The following GPC5 variants were observed in gnomAD, a reference collection of about 807,000 sequenced individuals.
GPC5 encodes the protein glypican 5.
A neutral mutation model predicts 53.9 loss-of-function variants in GPC5; 47 were observed. The observed-to-expected ratio is 0.87, with a 90% CI of 0.69 to 1.11. The LOEUF (loss-of-function observed/expected upper bound fraction) is 1.11, where lower values mean the gene tolerates loss of function less well. Ranked by LOEUF, GPC5 falls within the 50% of genes most tolerant of loss-of-function variation. GPC5 has a pLI of 0.00. For missense variants in GPC5, 748 were observed against 713.1 expected (o/e 1.05, Z -0.56); for synonymous variants, 286 against 263.3 (o/e 1.09, Z -0.84).
At chr13:92,477,501 T>C (rs1304889073) in intron 7 of GPC5, among the ~76,000 whole-genome samples, 1 of 152,174 alleles carries the variant, frequency 6.6e-6, no homozygotes, top group Non-Finnish European at 1.5e-5. Flanking sequence ...TATGCTTTCT[T>C]CTTCCCTCTC....
At chr13:91,762,908 C>T (rs182027722) in intron 5 of GPC5, among the ~76,000 whole-genome samples, 1 of 152,078 alleles carries the variant, frequency 6.6e-6, no homozygotes, top group Non-Finnish European at 1.5e-5. Context: ...TTCATTTTAA[C>T]CCCTAAATGC....
rs1034178089 is a variant in GPC5 at position 92,320,487 on chromosome 13, T to G, written c.1561+175498T>G. Among the ~76,000 whole-genome samples the G allele has an allele frequency of 3.3e-5, 5 of 152,198 alleles. No individual in the cohort carries two copies. In the South Asian group the frequency reaches 6.2e-4, roughly 19 times the overall value. ...CCTTTCAATCAATGTTATGTCATTT[T>G]GCTTGTAATTTTTGGCTTTGCTTTG... On this transcript the variant is annotated intron_variant, in intron 7 of 7. Coordinates refer to ENST00000377067, the MANE Select transcript of GPC5 (RefSeq NM_004466.6).
chr13:92,283,497 G>A (rs550889347), intron 7 of GPC5, among the ~76,000 whole-genome samples: 16 of 152,270 alleles, frequency 1.1e-4, no homozygotes, highest in South Asian at 4.2e-4. Flanking sequence ...TGGAAGTAAA[G>A]CACTCCTCAG....
chr13:91,797,961 T>C (rs2989993), intron 5 of GPC5, among the ~76,000 whole-genome samples: 54,402 of 151,724 alleles, frequency 0.36, 11,017 homozygotes, highest in African/African-American at 0.56. Context: ...TGCACATTGT[T>C]GGGCGCAGAG....
At chr13:91,985,060 T>G (rs1385956514) in intron 6 of GPC5, among the ~76,000 whole-genome samples, 1 of 152,222 alleles carries the variant, frequency 6.6e-6, no homozygotes, top group Non-Finnish European at 1.5e-5. Context: ...TCGTAAATTA[T>G]TCAGCTATGA....
In GPC5 at chr13:92,581,728, T is replaced by G. The variant is rs574009810; in HGVS notation, c.1562-284554T>G. On this transcript the variant is annotated intron_variant, in intron 7 of 7. Transcript: ENST00000377067. The stretch of plus-strand genomic sequence containing the variant: ...TCTTCACATCCTCACCAATACTTGT[T>G]GTCATTCAATTTTTTGATAATAGCC... 3.9e-5 allele frequency among the ~76,000 whole-genome samples: 6 copies of G among 152,334 alleles called. No individual in the cohort carries two copies. In the East Asian group the frequency reaches 1.2e-3, roughly 29 times the overall value.
intron 7 of GPC5, among the ~76,000 whole-genome samples, chr13:92,259,812 G>C (rs980324731): frequency 2.0e-5 from 3 of 152,114 alleles, no homozygotes; most frequent in Non-Finnish European, 4.4e-5. Flanking sequence ...GTGCTTTGCT[G>C]CCTCTGTAAC....
At chr13:91,647,544 G>A (rs1320439581) in intron 2 of GPC5, among the ~76,000 whole-genome samples, 1 of 152,186 alleles carries the variant, frequency 6.6e-6, no homozygotes, top group African/African-American at 2.4e-5. Context: ...ACCTTTCCGT[G>A]CTGCCCCCTG....
At chr13:91,689,022 G>A (rs2035683470) in intron 2 of GPC5, among the ~76,000 whole-genome samples, 1 of 150,684 alleles carries the variant, frequency 6.6e-6, no homozygotes, top group South Asian at 2.1e-4. Context: ...GTAAAAATTA[G>A]CCTGGCATGG....
intron 2 of GPC5, among the ~76,000 whole-genome samples, chr13:91,459,968 A>G (rs778805466): frequency 2.6e-5 from 4 of 152,206 alleles, no homozygotes; most frequent in South Asian, 2.1e-4. Context: ...TAAATTTATA[A>G]CAAACTTTGA....
chr13:92,082,031 A>C (rs1280831396), intron 6 of GPC5, among the ~76,000 whole-genome samples: 1 of 152,194 alleles, frequency 6.6e-6, no homozygotes, highest in Non-Finnish European at 1.5e-5. Flanking sequence ...GTGCCAAAGA[A>C]CCTTGGTAGT....
At chr13:91,963,236 T>G (rs145555372) in intron 6 of GPC5, among the ~76,000 whole-genome samples, 1 of 152,300 alleles carries the variant, frequency 6.6e-6, no homozygotes. Flanking sequence ...GGAATCCTAA[T>G]TCCCTGCTGC....
At chr13:91,517,591 A>G (rs1204984924) in intron 2 of GPC5, among the ~76,000 whole-genome samples, 1 of 152,124 alleles carries the variant, frequency 6.6e-6, no homozygotes, top group Non-Finnish European at 1.5e-5. Flanking sequence ...AAGTGTTTCA[A>G]TTTCTACCTG....
intron 7 of GPC5, among the ~76,000 whole-genome samples, chr13:92,442,986 G>T (rs549565671): frequency 3.3e-5 from 5 of 152,250 alleles, no homozygotes; most frequent in African/African-American, 1.2e-4. Flanking sequence ...TGCAATAATG[G>T]AATACCGGAG....
At chr13:91,783,251 T>C (rs1400730180) in intron 5 of GPC5, among the ~76,000 whole-genome samples, 1 of 148,838 alleles carries the variant, frequency 6.7e-6, no homozygotes, top group Non-Finnish European at 1.5e-5. Flanking sequence ...TGAAACTCCA[T>C]CTCAATAAAT....
chr13:91,455,998 A>C (rs1442110608), intron 2 of GPC5, among the ~76,000 whole-genome samples: 1 of 152,018 alleles, frequency 6.6e-6, no homozygotes, highest in Admixed American at 6.6e-5. Flanking sequence ...GCCCTCCAAC[A>C]TCAATCCATG....
intron 7 of GPC5, among the ~76,000 whole-genome samples, chr13:92,186,937 C>T (rs57998675): frequency 0.21 from 31,497 of 152,006 alleles, 4,194 homozygotes; most frequent in East Asian, 0.66. Flanking sequence ...CATGGCAAAA[C>T]CCCGTCTCTA....
intron 7 of GPC5, among the ~76,000 whole-genome samples, chr13:92,434,165 T>A (rs1029928474): frequency 6.6e-6 from 1 of 152,194 alleles, no homozygotes; most frequent in Non-Finnish European, 1.5e-5. Context: ...AATGTTCTAC[T>A]TTTAATGCAT....
At chr13:92,754,215 T>A (rs1476087699) in intron 7 of GPC5, among the ~76,000 whole-genome samples, 2 of 152,170 alleles carry the variant, frequency 1.3e-5, no homozygotes, top group Non-Finnish European at 2.9e-5. Context: ...CAGAATTTCA[T>A]ATCCAGCCAA....
Sources: gnomAD v4.1 joint callset for allele counts (sites outside exome capture counted in the v4.1 genomes callset) on GRCh38, gnomAD v4.1.1 for gene constraint, MANE v1.5 for transcripts, NCBI Gene and HGNC (gene_info 2026-07-23, HGNC 2026-07-21) for gene names.